ALDH1A1: variants seen among roughly 807,000 people sequenced by gnomAD.
ALDH1A1 encodes the protein aldehyde dehydrogenase 1 family member A1.
In ALDH1A1, 19 loss-of-function variants were observed where a neutral mutation model predicts 62.1. That is an observed-to-expected ratio of 0.31 (90% CI 0.21 to 0.45). The LOEUF (loss-of-function observed/expected upper bound fraction) is 0.45, where lower values mean the gene tolerates loss of function less well. Among genes scored for constraint, ALDH1A1 ranks in the 20% least tolerant of loss-of-function variants. The probability of loss-of-function intolerance (pLI) is 1.00; values close to 1 mark genes in which losing one functional copy is unlikely to be tolerated. For missense variants in ALDH1A1, 521 were observed against 607.1 expected (o/e 0.86, Z 1.49); for synonymous variants, 231 against 215.9 (o/e 1.07, Z -0.61).
chr9:72,922,623 G>A (rs902997203), intron 7 of ALDH1A1, among the ~76,000 whole-genome samples: 2 of 152,050 alleles, frequency 1.3e-5, no homozygotes, highest in Admixed American at 6.6e-5. Context: ...AAAATGTGTC[G>A]GGCTACATTC....
intron 11 of ALDH1A1, among the ~76,000 whole-genome samples, chr9:72,907,684 C>G (rs191567808): frequency 3.2e-4 from 48 of 152,260 alleles, no homozygotes; most frequent in African/African-American, 1.1e-3. Context: ...GCAAGCGTTT[C>G]CTCATGTGTA....
At chr9:72,908,604 AAAGAAAGAAAGAAAGAAAGAAAG>A (rs1829932730) in intron 11 of ALDH1A1, among the ~76,000 whole-genome samples, 1 of 144,520 alleles carries the variant, frequency 6.9e-6, no homozygotes, top group Admixed American at 6.8e-5. Context: ...AGAAAGAAAG[AAAGAAAGAAAGAAAGAAAGAAAG>A]AGAATATTGC....
chr9:72,922,928 A>T, intron 7 of ALDH1A1, among the ~76,000 whole-genome samples: 1 of 152,290 alleles, frequency 6.6e-6, no homozygotes, highest in Non-Finnish European at 1.5e-5. Flanking sequence ...ATATATATTT[A>T]TTTACTTCAT....
At chr9:72,937,181 T>C (rs1212691841) in intron 2 of ALDH1A1, among the ~76,000 whole-genome samples, 1 of 152,144 alleles carries the variant, frequency 6.6e-6, no homozygotes, top group African/African-American at 2.4e-5. Context: ...CATAGATTTA[T>C]AGAATATACT....
At chr9:72,913,616 A>G (rs1258990847) in intron 9 of ALDH1A1, among the ~76,000 whole-genome samples, 1 of 152,194 alleles carries the variant, frequency 6.6e-6, no homozygotes, top group African/African-American at 2.4e-5. Flanking sequence ...GTCTGTGACC[A>G]CGTTGAATAA....
chr9:72,915,798 C>T (rs1830054627), intron 9 of ALDH1A1, among the ~76,000 whole-genome samples: 1 of 152,168 alleles, frequency 6.6e-6, no homozygotes, highest in Non-Finnish European at 1.5e-5. Context: ...CCTCTTTGTT[C>T]TTTTTGGCAT....
At chr9:72,934,056 G>A (rs988854451) in intron 2 of ALDH1A1, among the ~76,000 whole-genome samples, 10 of 152,066 alleles carry the variant, frequency 6.6e-5, no homozygotes, top group Non-Finnish European at 1.3e-4. Context: ...TTGACCTTCC[G>A]AAGTGCTATG....
intron 1 of ALDH1A1, among the ~76,000 whole-genome samples, chr9:72,943,328 T>A (rs1830438292): frequency 6.6e-6 from 1 of 152,132 alleles, no homozygotes; most frequent in African/African-American, 2.4e-5. Flanking sequence ...GCTCTCAATA[T>A]ATTATAGCTT....
rs1053112587 is a variant in ALDH1A1, at chr9:72,930,979, A to T, written c.212T>A (p.Phe71Tyr). ...DKAVKAARQA[F>Y]QIGSPWRTMD... ...AGTACGCCACGGGGATCCAATCTGA[A>T]AAGCCTGTCTTGCGGCCTTCACTGC... Residue 71 changes from phenylalanine to tyrosine, a missense_variant, in exon 3 of 13, where the codon TTT becomes TAT. Transcript: ENST00000297785. 5 of 1,613,924 alleles carry T rather than the reference A, an allele frequency of 3.1e-6. No homozygotes were observed. In the African/African-American group the frequency reaches 4.0e-5, roughly 13 times the overall value.
At chr9:72,942,244 A>T in intron 1 of ALDH1A1, 7 of 940,234 alleles carry the variant, frequency 7.4e-6, no homozygotes, top group Non-Finnish European at 8.9e-6. Context: ...ATGCCCTTAC[A>T]GCTTAGTATT....
Position 72,918,840 on chromosome 9 carries a change from A to C in ALDH1A1, c.748-18T>G. 6.3e-7 allele frequency: 1 copy of C among 1,592,902 alleles called. No individual in the cohort carries two copies. The highest frequency in any genetic ancestry group is 1.7e-5 in the Admixed American group (1 of 59,974). ...TTGCCAACCTGAAAGGGAGCATTAC[A>C]AAGGAGGAGGCTTACCCTGCTCTCA... On this transcript the variant is annotated intron_variant, in intron 7 of 12. Coordinates refer to ENST00000297785, the MANE Select transcript of ALDH1A1 (RefSeq NM_000689.5).
At chr9:72,928,746 A>C in intron 4 of ALDH1A1, 146 bp downstream of exon 4, 1 of 889,906 alleles carries the variant, frequency 1.1e-6, no homozygotes, top group Non-Finnish European at 1.6e-6. Context: ...TTCTAAGTTG[A>C]AAACTGTGTT....
chr9:72,933,773 A>G (rs1830314222), intron 2 of ALDH1A1, among the ~76,000 whole-genome samples: 1 of 152,110 alleles, frequency 6.6e-6, no homozygotes, highest in Admixed American at 6.5e-5. Flanking sequence ...AAAACTTTAA[A>G]TTTTAATATA....
chr9:72,908,284 G>C (rs548414691), intron 11 of ALDH1A1, among the ~76,000 whole-genome samples: 73 of 150,872 alleles, frequency 4.8e-4, no homozygotes, highest in African/African-American at 1.6e-3. Flanking sequence ...AAAATACAAA[G>C]ATTAGCTGGG....
At chr9:72,925,752 A>G (rs367856349) in intron 5 of ALDH1A1, 140 bp from the exon 6 acceptor site, 4 of 963,364 alleles carry the variant, frequency 4.2e-6, no homozygotes, top group African/African-American at 3.4e-5. Context: ...ATTATACTTC[A>G]TTGCTAAAAG....
chr9:72,945,244 T>C (rs1038795175), intron 1 of ALDH1A1, among the ~76,000 whole-genome samples: 14 of 152,044 alleles, frequency 9.2e-5, no homozygotes, highest in Admixed American at 2.6e-4. Context: ...TCTGCTGATA[T>C]GAGATTTTGG....
chr9:72,920,122 A>G (rs8187950), intron 7 of ALDH1A1, among the ~76,000 whole-genome samples: 3,636 of 152,210 alleles, frequency 0.024, 58 homozygotes, highest in Middle Eastern at 0.054. Context: ...TTCTATCCCA[A>G]CTGAACAAGA....
chr9:72,935,154 A>G (rs1830333085), intron 2 of ALDH1A1, among the ~76,000 whole-genome samples: 1 of 152,164 alleles, frequency 6.6e-6, no homozygotes, highest in South Asian at 2.1e-4. Context: ...CAAAACTTAT[A>G]CATTATTCAA....
At chr9:72,942,444 T>C (rs1830425691) in intron 1 of ALDH1A1, 4 of 877,846 alleles carry the variant, frequency 4.6e-6, no homozygotes, top group East Asian at 2.4e-4. Context: ...AGGTACCCTT[T>C]TGTATCACTT....
Sources: allele counts gnomAD v4.1 joint callset (sites outside exome capture counted in the v4.1 genomes callset), GRCh38; gene constraint gnomAD v4.1.1; transcripts MANE v1.5; gene names NCBI Gene and HGNC (gene_info 2026-07-23, HGNC 2026-07-21).